Variants in CSMD1 observed in about 807,000 individuals in gnomAD.
CSMD1 encodes CUB and sushi domain-containing protein 1.
CSMD1 carries 213 observed loss-of-function variants against 417.5 expected under a neutral mutation model. The ratio of observed to expected loss-of-function variants is 0.51; its 90% confidence interval spans 0.46 to 0.57. The LOEUF (loss-of-function observed/expected upper bound fraction) is 0.57, where lower values mean the gene tolerates loss of function less well. CSMD1 is among the 20% of genes least tolerant of loss of function. The pLI is 0.00. For missense variants in CSMD1, 6,923 were observed against 4,529.7 expected (o/e 1.53, Z -15.17); for synonymous variants, 2,862 against 1,736.8 (o/e 1.65, Z -16.11).
At chr8:4,657,608 A>C (rs114425804) in intron 1 of CSMD1, among the ~76,000 whole-genome samples, 1 of 152,242 alleles carries the variant, frequency 6.6e-6, no homozygotes, top group African/African-American at 2.4e-5. Flanking sequence ...TCCCAAGAAG[A>C]ATAAATAAAA....
chr8:2,992,190 TGCACACATACATACACACATGCACACAC>T (rs1180878164), intron 54 of CSMD1, among the ~76,000 whole-genome samples: 23 of 89,558 alleles, frequency 2.6e-4, no homozygotes, highest in Admixed American at 2.3e-3. Flanking sequence ...AACACACACA[TGCACACATACATACACACATGCACACAC>T]ACATGCACAC....
chr8:4,228,705 A>G (rs1221040617), intron 3 of CSMD1, among the ~76,000 whole-genome samples: 1 of 149,996 alleles, frequency 6.7e-6, no homozygotes, highest in Admixed American at 6.7e-5. Context: ...TTTTCTTGAG[A>G]TGGAGTCTAC....
intron 1 of CSMD1, among the ~76,000 whole-genome samples, chr8:4,816,404 G>A (rs1265138495): frequency 6.6e-6 from 1 of 152,004 alleles, no homozygotes; most frequent in Middle Eastern, 3.4e-3. Context: ...GCACTGTGGG[G>A]TGGTGGAGTG....
At chr8:3,153,868 G>A (rs6987824) in intron 39 of CSMD1, among the ~76,000 whole-genome samples, 41,481 of 152,118 alleles carry the variant, frequency 0.27, 7,675 homozygotes, top group African/African-American at 0.53. Context: ...TTAAAACCAC[G>A]GTAATCCTTT....
intron 2 of CSMD1, among the ~76,000 whole-genome samples, chr8:4,474,711 G>A (rs1563214300): frequency 6.6e-6 from 1 of 152,018 alleles, no homozygotes; most frequent in Non-Finnish European, 1.5e-5. Context: ...ACTCCCACGT[G>A]GACTTTCTTC....
intron 3 of CSMD1, among the ~76,000 whole-genome samples, chr8:4,348,532 G>C (rs1010440841): frequency 3.4e-5 from 5 of 148,534 alleles, no homozygotes; most frequent in South Asian, 2.2e-4. Flanking sequence ...TTTGAGAGTT[G>C]TATCACAAAT....
chr8:4,191,411 C>G (rs79916365), intron 3 of CSMD1, among the ~76,000 whole-genome samples: 3 of 145,588 alleles, frequency 2.1e-5, no homozygotes, highest in African/African-American at 8.4e-5. Context: ...AAACAAAAAA[C>G]AAAACAAAAC....
intron 3 of CSMD1, among the ~76,000 whole-genome samples, chr8:4,100,023 G>C (rs770304496): frequency 6.6e-6 from 1 of 152,084 alleles, no homozygotes; most frequent in Non-Finnish European, 1.5e-5. Flanking sequence ...ATGACTTCCA[G>C]AAGAAGATAT....
At chr8:3,874,558 T>C (rs1402078915) in intron 5 of CSMD1, among the ~76,000 whole-genome samples, 3 of 152,192 alleles carry the variant, frequency 2.0e-5, no homozygotes, top group African/African-American at 7.2e-5. Context: ...CTTAGGGAGA[T>C]GTTGCTGCCT....
chr8:3,989,455 G>A (rs926654358), intron 5 of CSMD1, among the ~76,000 whole-genome samples: 1 of 152,150 alleles, frequency 6.6e-6, no homozygotes, highest in East Asian at 1.9e-4. Flanking sequence ...ATGCTGGAAC[G>A]AGTTGTGGTA....
At chr8:4,218,685 A>T (rs185683626) in intron 3 of CSMD1, among the ~76,000 whole-genome samples, 45 of 152,312 alleles carry the variant, frequency 3.0e-4, no homozygotes, top group African/African-American at 1.1e-3. Flanking sequence ...AAGCTTGGAT[A>T]CATCTCTTCA....
intron 3 of CSMD1, among the ~76,000 whole-genome samples, chr8:4,331,852 A>G (rs550563084): frequency 6.6e-6 from 1 of 152,180 alleles, no homozygotes; most frequent in East Asian, 1.9e-4. Flanking sequence ...AGCACAATCC[A>G]TTTGCTTAAA....
intron 39 of CSMD1, among the ~76,000 whole-genome samples, chr8:3,152,103 A>G (rs1208791415): frequency 1.3e-5 from 2 of 152,210 alleles, no homozygotes; most frequent in Non-Finnish European, 2.9e-5. Flanking sequence ...CATGACTGTC[A>G]GATAGCTTTT....
chr8:3,254,466 G>C (rs1310463825), intron 26 of CSMD1, among the ~76,000 whole-genome samples: 1 of 152,186 alleles, frequency 6.6e-6, no homozygotes, highest in Non-Finnish European at 1.5e-5. Context: ...ATCCTGCAGA[G>C]TGTTTTCCAA....
chr8:3,977,644 T>G (rs17068366), intron 5 of CSMD1, among the ~76,000 whole-genome samples: 12,421 of 152,222 alleles, frequency 0.082, 576 homozygotes, highest in South Asian at 0.12. Context: ...TTGAGAGAAA[T>G]CTGGAACCTT....
intron 1 of CSMD1, among the ~76,000 whole-genome samples, chr8:4,745,477 G>C (rs1340948674): frequency 6.6e-6 from 1 of 152,122 alleles, no homozygotes; most frequent in Non-Finnish European, 1.5e-5. Context: ...TAACACTGTG[G>C]TATCATATAT....
intron 5 of CSMD1, among the ~76,000 whole-genome samples, chr8:3,878,447 C>G (rs1221263420): frequency 6.6e-6 from 1 of 152,068 alleles, no homozygotes; most frequent in African/African-American, 2.4e-5. Context: ...TCTTGCCTTT[C>G]CAGTGTAAAC....
At chr8:4,317,223 G>A (rs1031028793) in intron 3 of CSMD1, among the ~76,000 whole-genome samples, 1 of 151,916 alleles carries the variant, frequency 6.6e-6, no homozygotes, top group Non-Finnish European at 1.5e-5. Flanking sequence ...ATAACAATCT[G>A]GTAAGGTAGG....
intron 10 of CSMD1, among the ~76,000 whole-genome samples, chr8:3,543,425 C>A (rs1338175258): frequency 1.3e-5 from 2 of 152,026 alleles, no homozygotes; most frequent in Non-Finnish European, 2.9e-5. Context: ...GGGGCAAGTG[C>A]AGAAGGGCAG....
Sources: gnomAD v4.1 joint callset for allele counts (sites outside exome capture counted in the v4.1 genomes callset) on GRCh38, gnomAD v4.1.1 for gene constraint, MANE v1.5 for transcripts, NCBI Gene and HGNC (gene_info 2026-07-23, HGNC 2026-07-21) for gene names.